Variants in RC3H1 observed in about 807,000 individuals in gnomAD.
RC3H1 encodes roquin-1.
In RC3H1, 50 loss-of-function variants were observed where a neutral mutation model predicts 138.2. The ratio of observed to expected loss-of-function variants is 0.36; its 90% CI spans 0.29 to 0.46. The LOEUF is 0.46. Ranked by LOEUF, RC3H1 falls within the 20% of genes least tolerant of loss-of-function variation. RC3H1 has a pLI of 1.00. For missense variants in RC3H1, 1,031 were observed against 1,388.1 expected (o/e 0.74, Z 4.09); for synonymous variants, 462 against 489.1 (o/e 0.94, Z 0.73).
At chr1:173,939,955 AT>A (rs1293884669) in intron 19 of RC3H1, among the ~76,000 whole-genome samples, 4 of 152,240 alleles carry the variant, frequency 2.6e-5, no homozygotes, top group African/African-American at 4.8e-5. Flanking sequence ...AGGACTATGC[AT>A]TCAAAAGCCT....
At chr1:174,007,005 A>T (rs1032222928) in intron 1 of RC3H1, among the ~76,000 whole-genome samples, 1 of 152,014 alleles carries the variant, frequency 6.6e-6, no homozygotes, top group Non-Finnish European at 1.5e-5. Context: ...CCCCCTCACT[A>T]TCCCTCCCAA....
chr1:173,965,518 G>C (rs1175478109), intron 9 of RC3H1, among the ~76,000 whole-genome samples: 1 of 150,796 alleles, frequency 6.6e-6, no homozygotes, highest in Non-Finnish European at 1.5e-5. Context: ...TTGAGCCTGG[G>C]AGACAGCGGT....
rs560354496 is a variant in RC3H1 at position 173,955,225 on chromosome 1, CAAAAAAA to C, written c.2371-3094_2371-3088del. Among the ~76,000 whole-genome samples, 10 of 60,804 alleles carry C rather than the reference CAAAAAAA, an allele frequency of 1.6e-4. 1 individual carries two copies. Among genetic ancestry groups the C allele is most frequent in the Admixed American group, 9.7e-4 (5 of 5,170 alleles). The allele number at this position is 60,804 out of a possible 152,430, so 39.9% of individuals were successfully genotyped here. ...CAGACGACAGTGTGAAACTCTGTCA[CAAAAAAA>C]AAAAAAAAAAAAGAGAAACCACAAT... is the stretch of plus-strand genomic sequence containing the variant. On this transcript the variant is annotated intron_variant, in intron 13 of 19. Coordinates refer to ENST00000367696, the MANE Select transcript of RC3H1 (RefSeq NM_172071.4).
chr1:173,943,869 G>C (rs1053737238), intron 17 of RC3H1, among the ~76,000 whole-genome samples: 10 of 152,234 alleles, frequency 6.6e-5, no homozygotes, highest in Admixed American at 2.6e-4. Flanking sequence ...TGATTTGAAA[G>C]AGAAGTTGGC....
chr1:173,940,639 G>GT (rs1210967440), intron 19 of RC3H1, among the ~76,000 whole-genome samples: 1 of 130,928 alleles, frequency 7.6e-6, no homozygotes, highest in Non-Finnish European at 1.5e-5. Context: ...TTTATTTTTT[G>GT]TTTTTTCTTT....
chr1:173,964,207 G>A lies in RC3H1; in HGVS notation c.1617-20C>T, dbSNP rs199760362. ...TCTAGCCTAAGGGAATAATATTATG[G>A]AAGTTGTTTAAAAAATACTTCTCAT... On this transcript the variant is annotated intron_variant, in intron 10 of 19. Coordinates refer to ENST00000367696, the MANE Select transcript of RC3H1 (RefSeq NM_172071.4). The A allele has an allele frequency of 6.4e-7, 1 of 1,574,398 alleles. No individual in the cohort carries two copies. The highest frequency in any genetic ancestry group is 2.2e-5 in the East Asian group (1 of 44,632).
rs1658535176 is a variant in RC3H1, at chr1:173,935,259, A to G, written c.*3462T>C. The G allele has an allele frequency of 6.6e-6, 1 of 152,192 alleles. No homozygotes were observed. Among genetic ancestry groups the G allele is most frequent in the Admixed American group, 6.5e-5 (1 of 15,280 alleles). The allele number at this position is 152,192 out of a possible 1,614,324, so 9.4% of individuals were successfully genotyped here. A position where few individuals can be genotyped will look rare whatever the true frequency, so the allele number is the denominator to read the frequency against. Reference sequence around the variant, plus strand: ...TATATAAATTAGGCAAAAGAGCTACATATAAACCAGAAATGGAATCTAGAT... The same window carrying G: ...TATATAAATTAGGCAAAAGAGCTACGTATAAACCAGAAATGGAATCTAGAT... On this transcript the variant is annotated 3_prime_UTR_variant, in exon 20 of 20. Transcript: ENST00000367696.
rs757361997 is a variant in RC3H1 at position 173,964,132 on chromosome 1, G to T, written c.1672C>A (p.Pro558Thr). Residue 558 changes from proline to threonine, a missense_variant, in exon 11 of 20, where the codon CCT becomes ACT. Coordinates refer to ENST00000367696, the MANE Select transcript of RC3H1 (RefSeq NM_172071.4). ...GGCAGATCTGCTGGCCCCCTTGGAGGTATAGAATGTGGATTCACAGGTAAG... is the reference window on the plus strand; with the variant it reads ...GGCAGATCTGCTGGCCCCCTTGGAGTTATAGAATGTGGATTCACAGGTAAG... ...SALPVNPHSI[P>T]PRGPADLPPM... 1.9e-6 allele frequency: 3 copies of T among 1,614,098 alleles called. No homozygotes were observed. The highest frequency in any genetic ancestry group is 2.5e-6 in the Non-Finnish European group (3 of 1,180,000).
chr1:174,001,891 A>G (rs942402545), intron 1 of RC3H1, among the ~76,000 whole-genome samples: 24 of 152,234 alleles, frequency 1.6e-4, no homozygotes, highest in African/African-American at 5.8e-4. Flanking sequence ...TAGTGTTAGT[A>G]CAAACACTAA....
At chr1:173,963,304 A>G (rs1211543460) in intron 11 of RC3H1, among the ~76,000 whole-genome samples, 1 of 151,870 alleles carries the variant, frequency 6.6e-6, no homozygotes, top group Admixed American at 6.6e-5. Flanking sequence ...AAATACCTCT[A>G]GGGCATTTCT....
At chr1:173,948,566 T>C (rs937602910) in intron 14 of RC3H1, among the ~76,000 whole-genome samples, 9 of 152,274 alleles carry the variant, frequency 5.9e-5, no homozygotes, top group African/African-American at 2.2e-4. Flanking sequence ...TTTCACCTAT[T>C]TGGGAGGTTT....
chr1:173,980,743 A>G, intron 6 of RC3H1, 66 bp downstream of exon 6: 1 of 1,216,410 alleles, frequency 8.2e-7, no homozygotes, highest in Non-Finnish European at 1.2e-6. Context: ...TTTAATATAC[A>G]TTTGTTAAAT....
intron 14 of RC3H1, 104 bp from the exon 15 acceptor site, chr1:173,947,686 C>T: frequency 5.2e-6 from 4 of 774,758 alleles, no homozygotes; most frequent in South Asian, 5.0e-5. Context: ...AGCACTCTTA[C>T]TGGTAAGACT....
intron 1 of RC3H1, among the ~76,000 whole-genome samples, chr1:174,015,672 T>A (rs1037639387): frequency 2.0e-5 from 3 of 147,942 alleles, no homozygotes; most frequent in East Asian, 2.0e-4. Flanking sequence ...GCCTCATATT[T>A]TATATATATA....
chr1:173,986,327 T>C (rs1557944326), intron 2 of RC3H1, among the ~76,000 whole-genome samples: 1 of 152,120 alleles, frequency 6.6e-6, no homozygotes. Context: ...TCTTTCTCAG[T>C]TTCAGGATCC....
chr1:174,022,202 T>C lies in RC3H1; in HGVS notation c.-257A>G, dbSNP rs1571247700. 4 of 394,636 alleles carry C rather than the reference T, an allele frequency of 1.0e-5. No individual in the cohort carries two copies. In the East Asian group the frequency reaches 1.4e-4, roughly 14 times the overall value. The allele number at this position is 394,636 out of a possible 1,614,324, so 24.4% of individuals were successfully genotyped here. A position where few individuals can be genotyped will look rare whatever the true frequency, so the allele number is the denominator to read the frequency against. ...GAGGCCACCGTTGACTCTGATTCTG[T>C]CCCAGGCCGCCGGGCCACGGCTGCC... On this transcript the variant is annotated 5_prime_UTR_variant, in exon 1 of 20. Coordinates refer to ENST00000367696, the MANE Select transcript of RC3H1 (RefSeq NM_172071.4). The surrounding 1 kb of genome is among the most constrained non-coding windows in gnomAD (Gnocchi z 4.2).
chr1:173,973,577 A>C (rs1335346417), intron 7 of RC3H1, among the ~76,000 whole-genome samples: 2 of 152,158 alleles, frequency 1.3e-5, no homozygotes, highest in Non-Finnish European at 2.9e-5. Context: ...TATCATATAA[A>C]GTAACTCTGC....
At chr1:173,960,654 G>GA (rs1271414076) in intron 13 of RC3H1, among the ~76,000 whole-genome samples, 2 of 152,108 alleles carry the variant, frequency 1.3e-5, no homozygotes, top group Admixed American at 1.3e-4. Context: ...GCTGATTCTT[G>GA]AAAAATAACA....
intron 13 of RC3H1, among the ~76,000 whole-genome samples, chr1:173,957,000 G>A (rs1233698637): frequency 1.3e-5 from 2 of 151,532 alleles, no homozygotes; most frequent in Non-Finnish European, 2.9e-5. Flanking sequence ...TGCAACCTCC[G>A]CCTGCTGGGT....
Sources: gnomAD v4.1 joint callset for allele counts (sites outside exome capture counted in the v4.1 genomes callset) on GRCh38, gnomAD v4.1.1 for gene constraint, Gnocchi (gnomAD v3.1) non-coding constraint, MANE v1.5 for transcripts, NCBI Gene and HGNC (gene_info 2026-07-23, HGNC 2026-07-21) for gene names.